Variants in PRKCH observed in about 807,000 individuals in gnomAD.
PRKCH encodes the protein protein kinase C eta.
Under a neutral mutation model 82.5 loss-of-function variants are expected in PRKCH, and 28 were observed. The observed-to-expected ratio is 0.34, with a 90% confidence interval of 0.25 to 0.47. The LOEUF is 0.47. Among genes scored for constraint, PRKCH ranks in the 20% least tolerant of loss-of-function variants. The pLI is 1.00. For missense variants in PRKCH, 705 were observed against 881.8 expected (o/e 0.80, Z 2.54); for synonymous variants, 322 against 327.4 (o/e 0.98, Z 0.18).
At chr14:61,536,257 A>G (rs999699391) in intron 12 of PRKCH, among the ~76,000 whole-genome samples, 2 of 152,218 alleles carry the variant, frequency 1.3e-5, no homozygotes, top group Non-Finnish European at 2.9e-5. Flanking sequence ...AAGAGTATCT[A>G]TGCCTTCTCA....
At chr14:61,329,238 T>TTTTC (rs1179672272) in intron 1 of PRKCH, among the ~76,000 whole-genome samples, 1 of 110,116 alleles carries the variant, frequency 9.1e-6, no homozygotes, top group Non-Finnish European at 1.9e-5. Flanking sequence ...CTGAGTCTTT[T>TTTTC]TTTTTTTTTT....
chr14:61,239,636 C>A (rs1178113684), intron 1 of PRKCH, among the ~76,000 whole-genome samples: 2 of 152,200 alleles, frequency 1.3e-5, no homozygotes, highest in Admixed American at 6.5e-5. Context: ...TTCCCTTAAG[C>A]TTTCAGGCTC....
At chr14:61,316,270 C>T (rs2045561542) in intron 1 of PRKCH, among the ~76,000 whole-genome samples, 1 of 152,082 alleles carries the variant, frequency 6.6e-6, no homozygotes, top group Admixed American at 6.6e-5. Context: ...TTTGACCTGG[C>T]TGTGTTATTC....
chr14:61,468,461 G>C (rs1422973024), intron 9 of PRKCH, among the ~76,000 whole-genome samples: 4 of 152,122 alleles, frequency 2.6e-5, no homozygotes, highest in African/African-American at 9.7e-5. Context: ...AATGTGCATA[G>C]GCCTTCTCCA....
At chr14:61,281,181 C>A in intron 1 of PRKCH, 2 of 1,256,300 alleles carry the variant, frequency 1.6e-6, no homozygotes, top group South Asian at 6.4e-5. Flanking sequence ...GCGGGCTGAC[C>A]GAGTGGGGGC....
intron 1 of PRKCH, among the ~76,000 whole-genome samples, chr14:61,246,670 C>A (rs1357707389): frequency 6.6e-6 from 1 of 152,140 alleles, no homozygotes; most frequent in Non-Finnish European, 1.5e-5. Context: ...GGTACCTCTG[C>A]AGCCTCATTT....
intron 1 of PRKCH, among the ~76,000 whole-genome samples, chr14:61,293,687 T>G (rs184056629): frequency 6.6e-6 from 1 of 152,300 alleles, no homozygotes; most frequent in Non-Finnish European, 1.5e-5. Flanking sequence ...GATTTTTTAT[T>G]GTGCTAAATA....
At chr14:61,443,342 T>G (rs1884068266) in intron 3 of PRKCH, 81 bp downstream of exon 3, 1 of 1,329,214 alleles carries the variant, frequency 7.5e-7, no homozygotes. Flanking sequence ...TTCAGCAGAA[T>G]GCATGATTAT....
At chr14:61,234,867 A>G (rs1299368624) in intron 1 of PRKCH, among the ~76,000 whole-genome samples, 2 of 152,236 alleles carry the variant, frequency 1.3e-5, no homozygotes, top group Non-Finnish European at 2.9e-5. Flanking sequence ...GGGCCATCCC[A>G]TCAGGGAATC....
chr14:61,216,488 A>T (rs1185107898), intron 1 of PRKCH, among the ~76,000 whole-genome samples: 3 of 151,886 alleles, frequency 2.0e-5, no homozygotes, highest in South Asian at 4.1e-4. Context: ...AACAAAAATT[A>T]AAAAAAATTA....
chr14:61,515,013 A>G (rs1282656966), intron 10 of PRKCH, among the ~76,000 whole-genome samples: 1 of 152,186 alleles, frequency 6.6e-6, no homozygotes, highest in Non-Finnish European at 1.5e-5. Context: ...ATAGATTCAG[A>G]CATGTCAAAA....
chr14:61,530,430 G>C lies in PRKCH; in HGVS notation c.1596G>C (p.Gly532=). The part of the protein sequence containing the change: ...APEILQEMLY[G]PAVDWWAMGV... Reference sequence around the variant, plus strand: ...AGATCCTCCAGGAAATGCTGTACGGGCCTGCAGTAGACTGGTGGGCAATGG... The same window carrying C: ...AGATCCTCCAGGAAATGCTGTACGGCCCTGCAGTAGACTGGTGGGCAATGG... Residue 532 remains glycine (G), a synonymous_variant, in exon 12 of 14, where the codon GGG becomes GGC. Transcript: ENST00000332981. The C allele has an allele frequency of 6.2e-7, 1 of 1,604,690 alleles. No homozygotes were observed. The highest frequency in any genetic ancestry group is 8.5e-7 in the Non-Finnish European group (1 of 1,175,424).
chr14:61,253,599 C>T (rs1392865878), intron 1 of PRKCH, among the ~76,000 whole-genome samples: 1 of 152,176 alleles, frequency 6.6e-6, no homozygotes, highest in African/African-American at 2.4e-5. Flanking sequence ...AAAATATGCT[C>T]AAGTTTGCAG....
At chr14:61,457,399 G>T (rs79808048) in intron 8 of PRKCH, 80 bp downstream of exon 8, 6 of 1,587,068 alleles carry the variant, frequency 3.8e-6, no homozygotes, top group Non-Finnish European at 4.3e-6. Flanking sequence ...GCACGCATGC[G>T]CACATACTCA....
intron 1 of PRKCH, among the ~76,000 whole-genome samples, chr14:61,343,471 G>A (rs530094051): frequency 2.8e-4 from 42 of 152,052 alleles, no homozygotes; most frequent in African/African-American, 9.6e-4. Flanking sequence ...CTAAGGAAAT[G>A]AGGGTCTTCA....
chr14:61,241,806 G>T (rs1268085026), intron 1 of PRKCH, among the ~76,000 whole-genome samples: 1 of 152,166 alleles, frequency 6.6e-6, no homozygotes, highest in Non-Finnish European at 1.5e-5. Context: ...GTATAAAATG[G>T]GAATAAGAAC....
At chr14:61,208,627 T>C (rs1682694534) in intron 1 of PRKCH, among the ~76,000 whole-genome samples, 1 of 152,204 alleles carries the variant, frequency 6.6e-6, no homozygotes, top group Admixed American at 6.5e-5. Flanking sequence ...CATAGAGTCC[T>C]GAAGAGCGCG....
chr14:61,481,542 G>A (rs1372709613), intron 9 of PRKCH, among the ~76,000 whole-genome samples: 1 of 152,200 alleles, frequency 6.6e-6, no homozygotes, highest in East Asian at 1.9e-4. Context: ...TCTTTCCCAT[G>A]TCTTATCTTC....
chr14:61,341,715 G>A (rs967987126), intron 1 of PRKCH, among the ~76,000 whole-genome samples: 4 of 152,218 alleles, frequency 2.6e-5, no homozygotes. Flanking sequence ...AAAGTCAGTA[G>A]TAACCAGGTC....
Sources: gnomAD v4.1 joint callset for allele counts (sites outside exome capture counted in the v4.1 genomes callset) on GRCh38, gnomAD v4.1.1 for gene constraint, MANE v1.5 for transcripts, NCBI Gene and HGNC (gene_info 2026-07-23, HGNC 2026-07-21) for gene names.